Variants in SLX4 observed in about 807,000 individuals in gnomAD.
The protein encoded by SLX4 is SLX4 structure-specific endonuclease subunit.
In SLX4, 112 loss-of-function variants were observed where a neutral mutation model predicts 146.2. That is an observed-to-expected ratio of 0.77 (90% CI 0.66 to 0.90). The LOEUF (loss-of-function observed/expected upper bound fraction) is 0.90, where lower values mean the gene tolerates loss of function less well. Among genes scored for constraint, SLX4 ranks in the 40% least tolerant of loss-of-function variants. SLX4 has a pLI of 0.00. For missense variants in SLX4, 2,563 were observed against 2,392.7 expected (o/e 1.07, Z -1.49); for synonymous variants, 1,061 against 997.7 (o/e 1.06, Z -1.20).
At position 3,595,496 on chromosome 16, in the gene SLX4, C is replaced by A; in HGVS notation, c.2013+109G>T. 4 of 1,222,092 alleles carry A rather than the reference C, an allele frequency of 3.3e-6. No individual in the cohort carries two copies. The Admixed American group carries it at 7.1e-5, about 22-fold the overall frequency. The allele number at this position is 1,222,092 out of a possible 1,614,324, so 75.7% of individuals were successfully genotyped here. On this transcript the variant is annotated intron_variant, in intron 9 of 14. Transcript: ENST00000294008. ...TCTGGAAAGCAGAGGCCTTGAGAGG[C>A]CACTGCACTTGCGTTGGGGGCCAGA...
At position 3,595,617 on chromosome 16, in the gene SLX4, G is replaced by A. The variant is rs1340014323; in HGVS notation, c.2001C>T (p.Gly667=). Residue 667 remains glycine (G), a synonymous_variant, in exon 9 of 15, where the codon GGC becomes GGT. Transcript: ENST00000294008. Reference sequence around the variant, plus strand: ...AGCCAGTTCTTACCAAGGTGCGGCCGCCCCTGTCCGGGTGCTTGTCCTGCG... The same window carrying A: ...AGCCAGTTCTTACCAAGGTGCGGCCACCCCTGTCCGGGTGCTTGTCCTGCG... ...VPSQDKHPDR[G]GRTLLSLGLL... The A allele has an allele frequency of 2.4e-5, 38 of 1,613,872 alleles. No homozygotes were observed. Among genetic ancestry groups the A allele is most frequent in the Non-Finnish European group, 3.1e-5 (36 of 1,180,018 alleles).
rs568421573 is a variant in SLX4 at position 3,594,975 on chromosome 16, T to C, written c.2014-376A>G. Among the ~76,000 whole-genome samples the C allele has an allele frequency of 1.1e-3, 161 of 152,292 alleles. 1 individual carries two copies. Among genetic ancestry groups the C allele is most frequent in the African/African-American group, 3.9e-3 (160 of 41,556 alleles). On this transcript the variant is annotated intron_variant, in intron 9 of 14. Coordinates refer to ENST00000294008, the MANE Select transcript of SLX4 (RefSeq NM_032444.4). ...CATCCCCTGTGACGGACAAGCACCC[T>C]GAGTCCAAGCAGCTCGGGGACCTGG... is the stretch of plus-strand genomic sequence containing the variant.
At chr16:3,608,346 G>A in intron 2 of SLX4, 84 bp downstream of exon 2, 1 of 1,390,768 alleles carries the variant, frequency 7.2e-7, no homozygotes, top group Non-Finnish European at 1.0e-6. Context: ...GACAGAGTCT[G>A]TGTGGCCTAC....
intron 12 of SLX4, among the ~76,000 whole-genome samples, chr16:3,587,593 C>G (rs749423613): frequency 9.2e-5 from 14 of 152,200 alleles, no homozygotes; most frequent in South Asian, 2.1e-4. Context: ...TTCCTGTGGC[C>G]GCAGCGTCGT....
At chr16:3,594,725 C>T (rs925984030) in intron 9 of SLX4, 126 bp from the exon 10 acceptor site, 12 of 1,313,204 alleles carry the variant, frequency 9.1e-6, no homozygotes, top group Non-Finnish European at 1.3e-5. Context: ...ATTCTCCTTT[C>T]CTCTCCAAAA....
At position 3,597,284 on chromosome 16, in the gene SLX4, T is replaced by C; in HGVS notation, c.1683+95A>G. The C allele has an allele frequency of 7.2e-7, 1 of 1,389,236 alleles. No individual in the cohort carries two copies. Among genetic ancestry groups the C allele is most frequent in the Non-Finnish European group, 9.6e-7 (1 of 1,045,292 alleles). 86.1% of individuals were successfully genotyped at this position (1,389,236 alleles called of 1,614,324 possible). A position where few individuals can be genotyped will look rare whatever the true frequency, so the allele number is the denominator to read the frequency against. On this transcript the variant is annotated intron_variant, in intron 7 of 14. Coordinates refer to ENST00000294008, the MANE Select transcript of SLX4 (RefSeq NM_032444.4). The surrounding 1 kb of genome is among the most constrained non-coding windows in gnomAD (Gnocchi z 4.4). ...CCGCCTCTGCCTTTCCTTCCTGGACTTTCCATCACCTGGCTGTGGGTACCC... is the reference window on the plus strand; with the variant it reads ...CCGCCTCTGCCTTTCCTTCCTGGACCTTCCATCACCTGGCTGTGGGTACCC...
At chr16:3,603,773 T>C (rs1464369985) in intron 3 of SLX4, among the ~76,000 whole-genome samples, 1 of 152,238 alleles carries the variant, frequency 6.6e-6, no homozygotes, top group Non-Finnish European at 1.5e-5. Context: ...ACAGCAGCTA[T>C]GGGGCACTGT....
chr16:3,597,545 C>A lies in SLX4; in HGVS notation c.1517G>T (p.Ser506Ile), dbSNP rs765859186. The change falls in exon 7 of 15, where the codon AGC becomes ATC. Residue 506 changes from serine to isoleucine, a missense_variant. By Grantham distance (142) the Ser-to-Ile change is moderately radical. Coordinates refer to ENST00000294008, the MANE Select transcript of SLX4 (RefSeq NM_032444.4). The surrounding 1 kb of genome is among the most constrained non-coding windows in gnomAD (Gnocchi z 4.4). Reference sequence around the variant, plus strand: ...TTCCCACCCTTCCTTTAAAATCCTGCTGGCAGGAAGTGGTGGCGTGCTAGA... The same window carrying A: ...TTCCCACCCTTCCTTTAAAATCCTGATGGCAGGAAGTGGTGGCGTGCTAGA... Reference protein sequence around the residue: ...ELSSTPPLPASRILKEGWERA... With the variant: ...ELSSTPPLPAIRILKEGWERA... 2 of 1,614,164 alleles carry A rather than the reference C, an allele frequency of 1.2e-6. No homozygotes were observed. Among genetic ancestry groups the A allele is most frequent in the Non-Finnish European group, 1.7e-6 (2 of 1,180,044 alleles).
rs1334591114 is a variant in SLX4, at chr16:3,609,006, T to G, written c.-42A>C. 1.9e-6 allele frequency: 3 copies of G among 1,597,772 alleles called. No homozygotes were observed. The Admixed American group carries it at 5.0e-5, about 27-fold the overall frequency. On this transcript the variant is annotated 5_prime_UTR_variant, in exon 2 of 15. Transcript: ENST00000294008. ...TTCTCCATTAGATACTTGGAGAGTT[T>G]GCACAATTGAACAAAAAGTACTGTT...
chr16:3,593,455 C>T (rs138396495), intron 10 of SLX4, among the ~76,000 whole-genome samples: 6 of 152,180 alleles, frequency 3.9e-5, no homozygotes, highest in African/African-American at 4.8e-5. Context: ...TGGCCTCAAG[C>T]GATCCTCCCA....
At position 3,597,551 on chromosome 16, in the gene SLX4, G is replaced by C. The variant is rs569591337; in HGVS notation, c.1511C>G (p.Pro504Arg). The C allele has an allele frequency of 1.3e-4, 214 of 1,614,164 alleles. 3 individuals carry two copies. The South Asian group carries it at 2.3e-3, about 17-fold the overall frequency. ...EVELSSTPPL[P>R]ASRILKEGWE... Reference sequence around the variant, plus strand: ...CCCTTCCTTTAAAATCCTGCTGGCAGGAAGTGGTGGCGTGCTAGACAATTC... The same window carrying C: ...CCCTTCCTTTAAAATCCTGCTGGCACGAAGTGGTGGCGTGCTAGACAATTC... The change falls in exon 7 of 15, where the codon CCT becomes CGT. Residue 504 changes from proline to arginine, a missense_variant. Pro to Arg is a moderately radical substitution (Grantham distance 103). Coordinates refer to ENST00000294008, the MANE Select transcript of SLX4 (RefSeq NM_032444.4). This position sits in a 1 kb window ranked among gnomAD's most constrained non-coding sequence, Gnocchi z 4.4.
At position 3,601,131 on chromosome 16, in the gene SLX4, C is replaced by T. The variant is rs778310070; in HGVS notation, c.1011G>A (p.Pro337=). The T allele has an allele frequency of 4.8e-5, 77 of 1,613,954 alleles. No individual in the cohort carries two copies. Among genetic ancestry groups the T allele is most frequent in the Non-Finnish European group, 6.0e-5 (71 of 1,180,038 alleles). The change falls in exon 5 of 15, where the codon CCG becomes CCA. Residue 337 remains proline (P), a synonymous_variant. Coordinates refer to ENST00000294008, the MANE Select transcript of SLX4 (RefSeq NM_032444.4). ...RPSVPQIPEC[P]ICGKPFLTLK... ...AGGTAAGAAACGGTTTCCCACAAATCGGGCACTCAGGGATCTGAGGCACAG... is the reference window on the plus strand; with the variant it reads ...AGGTAAGAAACGGTTTCCCACAAATTGGGCACTCAGGGATCTGAGGCACAG...
Position 3,584,796 on chromosome 16 carries a change from G to A in SLX4, c.4712C>T (p.Thr1571Met), listed in dbSNP as rs765601038. 2.1e-5 allele frequency: 34 copies of A among 1,613,892 alleles called. No individual in the cohort carries two copies. The highest frequency in any genetic ancestry group is 8.3e-5 in the Admixed American group (5 of 60,012). Residue 1571 changes from threonine to methionine, a missense_variant, in exon 13 of 15, where the codon ACG becomes ATG. Physicochemically the swap from Thr to Met is moderately conservative, Grantham distance 81. Transcript: ENST00000294008. The stretch of plus-strand genomic sequence containing the variant: ...ATCCAGTTCCTTCTTCAGCACCGGC[G>A]TCTCCATAATGGAATACTGTGGCAT... Reference protein sequence around the residue: ...TPMPQYSIMETPVLKKELDRF... With the variant: ...TPMPQYSIMEMPVLKKELDRF...
At chr16:3,596,049 C>A in intron 8 of SLX4, 104 bp downstream of exon 8, 1 of 1,452,608 alleles carries the variant, frequency 6.9e-7, no homozygotes, top group South Asian at 1.4e-5. Flanking sequence ...CAGGTCAGAG[C>A]TGCCGTCGCG....
At chr16:3,584,556 G>A (rs1364164782) in intron 13 of SLX4, among the ~76,000 whole-genome samples, 3 of 152,146 alleles carry the variant, frequency 2.0e-5, no homozygotes, top group Non-Finnish European at 4.4e-5. Flanking sequence ...GGAATGGTAC[G>A]CAGAGAGAAC....
intron 5 of SLX4, 80 bp from the exon 6 acceptor site, chr16:3,598,079 G>A: frequency 6.5e-7 from 1 of 1,542,806 alleles, no homozygotes; most frequent in Non-Finnish European, 8.9e-7. Flanking sequence ...GTCTGGAGAG[G>A]GCTGGGCCTG....
At chr16:3,592,551 A>C in intron 11 of SLX4, 148 bp downstream of exon 11, 2 of 987,730 alleles carry the variant, frequency 2.0e-6, no homozygotes, top group Non-Finnish European at 3.1e-6. Flanking sequence ...CAGGGTCATC[A>C]CTGGTCATGG....
chr16:3,589,803 T>C lies in SLX4; in HGVS notation c.3835A>G (p.Arg1279Gly), dbSNP rs1252550783. The C allele has an allele frequency of 6.2e-7, 1 of 1,613,280 alleles. No individual in the cohort carries two copies. Among genetic ancestry groups the C allele is most frequent in the Admixed American group, 1.7e-5 (1 of 60,008 alleles). The change falls in exon 12 of 15, where the codon AGG becomes GGG. Residue 1279 changes from arginine (R) to glycine (G), a missense_variant. Transcript: ENST00000294008. This position sits in a 1 kb window ranked among gnomAD's most constrained non-coding sequence, Gnocchi z 6.2. ...ACCGCCTGCACGGCCAGCCCGCTCC[T>C]GAGGCTGCTGATTTGGGTCTGGGAA... ...CSSQTQISSL[R>G]SGLAVQAVTQ...
Position 3,608,960 on chromosome 16 carries a change from T to G in SLX4, c.5A>C (p.Lys2Thr). The change falls in exon 2 of 15, where the codon AAA becomes ACA. Residue 2 changes from lysine to threonine, a missense_variant. Coordinates refer to ENST00000294008, the MANE Select transcript of SLX4 (RefSeq NM_032444.4). M[K>T]LSVNEAQLGF... ...TAGCTGAGCCTCATTCACACTCAGTTTCATTAGGGTTCTTCTCTACTTCTC... is the reference window on the plus strand; with the variant it reads ...TAGCTGAGCCTCATTCACACTCAGTGTCATTAGGGTTCTTCTCTACTTCTC... 1 of 1,612,666 alleles carries G rather than the reference T, an allele frequency of 6.2e-7. No individual in the cohort carries two copies. The highest frequency in any genetic ancestry group is 8.5e-7 in the Non-Finnish European group (1 of 1,179,970).
Sources: allele counts gnomAD v4.1 joint callset (sites outside exome capture counted in the v4.1 genomes callset), GRCh38; gene constraint gnomAD v4.1.1; non-coding constraint Gnocchi (gnomAD v3.1); transcripts MANE v1.5; gene names NCBI Gene and HGNC (gene_info 2026-07-23, HGNC 2026-07-21).